ABHD12: variants seen among roughly 807,000 people sequenced by gnomAD.
ABHD12 encodes the protein lysophosphatidylserine lipase ABHD12.
ABHD12 carries 43 observed loss-of-function variants against 58.3 expected under a neutral mutation model. The observed-to-expected ratio is 0.74, with a 90% CI of 0.58 to 0.95. The LOEUF (loss-of-function observed/expected upper bound fraction) is 0.95. Among genes scored for constraint, ABHD12 ranks in the 40% least tolerant of loss-of-function variants. The pLI is 0.00. For synonymous variants in ABHD12, 219 were observed against 211.2 expected (o/e 1.04, Z -0.32); for missense variants, 539 against 537.2 (o/e 1.00, Z -0.03).
At chr20:25,306,350 A>G (rs991810012) in intron 10 of ABHD12, among the ~76,000 whole-genome samples, 1 of 152,066 alleles carries the variant, frequency 6.6e-6, no homozygotes, top group Non-Finnish European at 1.5e-5. Context: ...TTTCTGTTAC[A>G]GTTCTTTACT....
At chr20:25,367,696 A>T (rs1275379915) in intron 1 of ABHD12, among the ~76,000 whole-genome samples, 3 of 152,032 alleles carry the variant, frequency 2.0e-5, no homozygotes, top group Non-Finnish European at 4.4e-5. Context: ...GGCTTACTTC[A>T]TTTAGCATAA....
intron 1 of ABHD12, chr20:25,389,872 C>T (rs1260292866): frequency 6.6e-6 from 1 of 152,300 alleles, no homozygotes; most frequent in Admixed American, 6.5e-5. Context: ...CCCACTGAGC[C>T]CTTCCCCAAA....
chr20:25,294,787 C>CAT (rs1429560859), exon 13 of ABHD12: 10 of 699,120 alleles, frequency 1.4e-5, no homozygotes, highest in Admixed American at 1.2e-4. Flanking sequence ...GCAGTTAGCA[C>CAT]ATGGTATGGT....
intron 6 of ABHD12, among the ~76,000 whole-genome samples, chr20:25,314,557 C>A (rs182338597): frequency 6.6e-6 from 1 of 152,002 alleles, no homozygotes; most frequent in African/African-American, 2.4e-5. Context: ...CGCATTCCTG[C>A]AGTCACAGCT....
intron 6 of ABHD12, 82 bp downstream of exon 6, chr20:25,314,843 C>T (rs575355858): frequency 6.6e-7 from 1 of 1,505,272 alleles, no homozygotes. Context: ...TGCTCCGAGC[C>T]TCTTCGAGTG....
At chr20:25,388,567 G>A (rs1446979869) in intron 1 of ABHD12, among the ~76,000 whole-genome samples, 1 of 152,170 alleles carries the variant, frequency 6.6e-6, no homozygotes, top group Non-Finnish European at 1.5e-5. Flanking sequence ...AGCTGGGAAG[G>A]AAGACAACCT....
At chr20:25,324,313 A>G (rs1280958230) in intron 2 of ABHD12, among the ~76,000 whole-genome samples, 1 of 152,226 alleles carries the variant, frequency 6.6e-6, no homozygotes, top group Non-Finnish European at 1.5e-5. Context: ...GAAAGACAGA[A>G]GCCAGGCTGC....
intron 5 of ABHD12, among the ~76,000 whole-genome samples, chr20:25,315,791 G>A (rs1447899923): frequency 2.0e-5 from 3 of 152,166 alleles, no homozygotes; most frequent in Non-Finnish European, 2.9e-5. Flanking sequence ...TGTACTCCAC[G>A]GGTAAAATCC....
intron 5 of ABHD12, among the ~76,000 whole-genome samples, chr20:25,315,194 AAGGC>A (rs1366146111): frequency 6.6e-6 from 1 of 152,150 alleles, no homozygotes; most frequent in Non-Finnish European, 1.5e-5. Context: ...GGAGCGCAGG[AAGGC>A]TCTCCCTTCC....
At chr20:25,385,553 T>G (rs1341071712) in intron 1 of ABHD12, among the ~76,000 whole-genome samples, 1 of 152,044 alleles carries the variant, frequency 6.6e-6, no homozygotes, top group Non-Finnish European at 1.5e-5. Context: ...TGCTATATTC[T>G]GAAACAGCAC....
intron 2 of ABHD12, among the ~76,000 whole-genome samples, chr20:25,337,507 G>A (rs997127250): frequency 6.6e-6 from 1 of 152,230 alleles, no homozygotes; most frequent in African/African-American, 2.4e-5. Context: ...TGTAGGCTGT[G>A]TGTCTACAGT....
chr20:25,388,515 G>A (rs1456431941), intron 1 of ABHD12, among the ~76,000 whole-genome samples: 1 of 152,204 alleles, frequency 6.6e-6, no homozygotes, highest in Non-Finnish European at 1.5e-5. Context: ...CGCAGAGCCT[G>A]AGCGAGGAAG....
At chr20:25,345,171 T>C (rs2089502423) in intron 1 of ABHD12, among the ~76,000 whole-genome samples, 1 of 152,060 alleles carries the variant, frequency 6.6e-6, no homozygotes, top group Non-Finnish European at 1.5e-5. Context: ...CTGCAACCTT[T>C]GCCTCCCAGG....
intron 1 of ABHD12, among the ~76,000 whole-genome samples, chr20:25,387,463 A>T (rs894967736): frequency 2.6e-5 from 4 of 151,878 alleles, no homozygotes; most frequent in African/African-American, 9.7e-5. Context: ...CGGGAGGCTG[A>T]GGCAGGAGAA....
intron 1 of ABHD12, among the ~76,000 whole-genome samples, chr20:25,388,533 A>C (rs1295899159): frequency 2.0e-5 from 3 of 152,160 alleles, no homozygotes; most frequent in Non-Finnish European, 4.4e-5. Flanking sequence ...AAGAGAAGAA[A>C]GCTCAAGGAT....
At chr20:25,299,652 C>T (rs1037104094), downstream of ABHD12, among the ~76,000 whole-genome samples, 1 of 152,168 alleles carries the variant, frequency 6.6e-6, no homozygotes, top group Non-Finnish European at 1.5e-5. Flanking sequence ...CTGCCTGGCT[C>T]CCCTAGGGGT....
chr20:25,296,232 G>GT, downstream of ABHD12: 1 of 1,058,878 alleles, frequency 9.4e-7, no homozygotes, highest in Non-Finnish European at 1.4e-6. Context: ...ACAAGTGATT[G>GT]TAATGTCCTC....
intron 8 of ABHD12, 62 bp from the exon 9 acceptor site, chr20:25,308,107 T>TG: frequency 8.3e-7 from 1 of 1,209,984 alleles, no homozygotes; most frequent in Non-Finnish European, 1.2e-6. Context: ...ATGTGGCCTG[T>TG]GGGGCTCTGA....
chr20:25,347,307 T>C (rs1186944543), intron 1 of ABHD12, among the ~76,000 whole-genome samples: 1 of 152,154 alleles, frequency 6.6e-6, no homozygotes, highest in Non-Finnish European at 1.5e-5. Context: ...TTCAGCAGGG[T>C]ACTCCCCAGC....
Sources: gnomAD v4.1 joint callset for allele counts (sites outside exome capture counted in the v4.1 genomes callset) on GRCh38, gnomAD v4.1.1 for gene constraint, MANE v1.5 for transcripts, NCBI Gene and HGNC (gene_info 2026-07-23, HGNC 2026-07-21) for gene names.